The following RAB3IP variants were observed in gnomAD, a reference collection of about 807,000 sequenced individuals.
The protein encoded by RAB3IP is RAB3A interacting protein, also known as rab-3A-interacting protein.
A neutral mutation model predicts 59.1 loss-of-function variants in RAB3IP; 36 were observed. The ratio of observed to expected loss-of-function variants is 0.61; its 90% confidence interval spans 0.47 to 0.80. The LOEUF (loss-of-function observed/expected upper bound fraction) is 0.80. RAB3IP is among the 30% of genes least tolerant of loss of function. The pLI is 0.00. For missense variants in RAB3IP, 511 were observed against 536.0 expected, an observed-to-expected ratio of 0.95 and a Z score of 0.46; for synonymous variants, 207 against 191.2, an observed-to-expected ratio of 1.08 and a Z score of -0.68.
At chr12:69,746,919 G>C (rs761393417) in intron 1 of RAB3IP, among the ~76,000 whole-genome samples, 21 of 152,214 alleles carry the variant, frequency 1.4e-4, no homozygotes, top group African/African-American at 4.8e-4. Flanking sequence ...AATTGAAAGA[G>C]GAAAATAGTG....
chr12:69,765,211 T>C lies in RAB3IP; in HGVS notation c.510+8548T>C, dbSNP rs532608948. ...AATGGTGAGAGTGGGCATCGTCGTC[T>C]TGTTCCAGTTCTTGGGGAAGCCTTC... On this transcript the variant is annotated intron_variant, in intron 3 of 10. Coordinates refer to ENST00000247833, the MANE Select transcript of RAB3IP (RefSeq NM_022456.5). 3.7e-4 allele frequency among the ~76,000 whole-genome samples: 56 copies of C among 152,334 alleles called. No homozygotes were observed. The South Asian group carries it at 0.011, about 30-fold the overall frequency.
At chr12:69,738,667 C>G (rs1205793244), upstream of RAB3IP, 2 of 152,148 alleles carry the variant, frequency 1.3e-5, no homozygotes, top group African/African-American at 2.4e-5. Context: ...GGAAACCGCC[C>G]GCGGAGGAAC....
chr12:69,805,795 A>T (rs1359128949), intron 8 of RAB3IP, among the ~76,000 whole-genome samples: 1 of 152,184 alleles, frequency 6.6e-6, no homozygotes, highest in Non-Finnish European at 1.5e-5. Flanking sequence ...ATGCTGGATT[A>T]CGTTTATTGA....
Position 69,795,135 on chromosome 12 carries a change from T to C in RAB3IP, c.685-6T>C. 2 of 1,609,190 alleles carry C rather than the reference T, an allele frequency of 1.2e-6. No individual in the cohort carries two copies. Among genetic ancestry groups the C allele is most frequent in the Non-Finnish European group, 1.7e-6 (2 of 1,176,220 alleles). ...ATGTATGTGACTATGTTGATTTCTT[T>C]CCAAGATTGATGTACTTCAAGCTGA... On this transcript the variant is annotated splice_polypyrimidine_tract_variant and splice_region_variant and intron_variant, in intron 5 of 10. Coordinates refer to ENST00000247833, the MANE Select transcript of RAB3IP (RefSeq NM_022456.5).
intron 3 of RAB3IP, among the ~76,000 whole-genome samples, chr12:69,773,404 T>C (rs1873510697): frequency 7.5e-6 from 1 of 133,390 alleles, no homozygotes; most frequent in South Asian, 2.6e-4. Flanking sequence ...TCTTTCTTTT[T>C]TTTTTTTTTT....
chr12:69,780,976 A>G (rs529018145), intron 3 of RAB3IP, among the ~76,000 whole-genome samples: 2 of 152,200 alleles, frequency 1.3e-5, no homozygotes, highest in Non-Finnish European at 2.9e-5. Context: ...TTTAGTTACA[A>G]GTATTATCTT....
chr12:69,803,511 T>C (rs1878724519), intron 8 of RAB3IP, among the ~76,000 whole-genome samples: 1 of 151,992 alleles, frequency 6.6e-6, no homozygotes, highest in South Asian at 2.1e-4. Flanking sequence ...ATTATTATTA[T>C]TATACTTTAA....
intron 3 of RAB3IP, among the ~76,000 whole-genome samples, chr12:69,769,241 A>G (rs567170420): frequency 3.3e-4 from 50 of 152,264 alleles, no homozygotes; most frequent in Admixed American, 6.5e-4. Flanking sequence ...ACAGACTAAT[A>G]CGTGCCCAGA....
chr12:69,811,283 A>G (rs574605987), intron 8 of RAB3IP, among the ~76,000 whole-genome samples: 1 of 152,290 alleles, frequency 6.6e-6, no homozygotes, highest in South Asian at 2.1e-4. Context: ...ATGGATACTT[A>G]TTCTTCCTGA....
At chr12:69,749,118 G>A (rs1022729525) in intron 1 of RAB3IP, among the ~76,000 whole-genome samples, 1 of 152,216 alleles carries the variant, frequency 6.6e-6, no homozygotes, top group African/African-American at 2.4e-5. Flanking sequence ...TCTGTGGCCT[G>A]TTAAGAATTG....
At chr12:69,739,656 C>T (rs1887079922) in intron 1 of RAB3IP, 4 of 626,470 alleles carry the variant, frequency 6.4e-6, no homozygotes, top group Admixed American at 6.0e-5. Context: ...GGAGTCGCGC[C>T]CAAGTAGGCA....
At chr12:69,796,304 A>G (rs1240739475) in intron 6 of RAB3IP, 1 of 163,358 alleles carries the variant, frequency 6.1e-6, no homozygotes, top group African/African-American at 2.4e-5. Flanking sequence ...CTGTCTCAAA[A>G]TCATAATAAT....
At chr12:69,799,919 T>C (rs1217251499) in intron 6 of RAB3IP, among the ~76,000 whole-genome samples, 1 of 150,732 alleles carries the variant, frequency 6.6e-6, no homozygotes, top group African/African-American at 2.5e-5. Flanking sequence ...ATAGTAGTGT[T>C]ATTGAACATG....
chr12:69,780,382 T>G (rs1245720825), intron 3 of RAB3IP, among the ~76,000 whole-genome samples: 1 of 152,174 alleles, frequency 6.6e-6, no homozygotes, highest in Admixed American at 6.5e-5. Context: ...GTTTACCAAC[T>G]GCAGGGAGAG....
At chr12:69,750,544 T>G (rs930826487) in intron 1 of RAB3IP, among the ~76,000 whole-genome samples, 3 of 36,792 alleles carry the variant, frequency 8.2e-5, no homozygotes, top group African/African-American at 1.8e-4. Flanking sequence ...CTCTACCTCG[T>G]TTTTTTTTTT....
chr12:69,817,801 C>G lies in RAB3IP; in HGVS notation c.*2355C>G, dbSNP rs544527574. 1 of 151,570 alleles carries G rather than the reference C, an allele frequency of 6.6e-6. No individual in the cohort carries two copies. Among genetic ancestry groups the G allele is most frequent in the South Asian group, 2.1e-4 (1 of 4,788 alleles). 9.4% of individuals were successfully genotyped at this position (151,570 alleles called of 1,614,324 possible). On this transcript the variant is annotated 3_prime_UTR_variant, in exon 11 of 11. Coordinates refer to ENST00000247833, the MANE Select transcript of RAB3IP (RefSeq NM_022456.5). ...CTCTAAAAAAAAAACTAAAGCTAAA[C>G]TACAAACTGTGAGGCAATATCTGCA...
chr12:69,805,952 A>C (rs1879192915), intron 8 of RAB3IP, among the ~76,000 whole-genome samples: 1 of 152,084 alleles, frequency 6.6e-6, no homozygotes, highest in Non-Finnish European at 1.5e-5. Flanking sequence ...ATTGGTCTAA[A>C]ATTCTCTTTT....
At chr12:69,803,469 G>T (rs1878709329) in intron 8 of RAB3IP, among the ~76,000 whole-genome samples, 1 of 151,866 alleles carries the variant, frequency 6.6e-6, no homozygotes, top group Non-Finnish European at 1.5e-5. Context: ...AAGGAAGAGA[G>T]ATTTGGTTTA....
rs137930222 is a variant in RAB3IP, at chr12:69,814,667, AGTG to A, written c.1301-685_1301-683del. ...ACCCTGGAGTGGCCAGGGAATGAGG[AGTG>A]GTGGTGGTGGTAGTGGTGGAATCTT... On this transcript the variant is annotated intron_variant, in intron 10 of 10. Transcript: ENST00000247833. Among the ~76,000 whole-genome samples, 72 of 151,710 alleles carry A rather than the reference AGTG, an allele frequency of 4.7e-4. No homozygotes were observed. In the East Asian group the frequency reaches 0.013, roughly 28 times the overall value.
Sources: gnomAD v4.1 joint callset for allele counts (sites outside exome capture counted in the v4.1 genomes callset) on GRCh38, gnomAD v4.1.1 for gene constraint, MANE v1.5 for transcripts, NCBI Gene and HGNC (gene_info 2026-07-23, HGNC 2026-07-21) for gene names.